Variants in ZMYM6 observed in about 807,000 individuals in gnomAD.
ZMYM6 encodes zinc finger MYM-type protein 6.
In ZMYM6, 90 loss-of-function variants were observed where a neutral mutation model predicts 134.0. The observed-to-expected ratio is 0.67, with a 90% confidence interval of 0.57 to 0.80. ZMYM6 has a LOEUF of 0.80. Ranked by LOEUF, ZMYM6 falls within the 30% of genes least tolerant of loss-of-function variation. The probability of loss-of-function intolerance (pLI) is 0.00; values close to 1 mark genes in which losing one functional copy is unlikely to be tolerated. For missense variants in ZMYM6, 1,362 were observed against 1,533.9 expected (o/e 0.89, Z 1.87); for synonymous variants, 481 against 524.1 (o/e 0.92, Z 1.12).
intron 15 of ZMYM6, 92 bp downstream of exon 15, chr1:34,992,140 ACT>A (rs769533059): frequency 3.3e-6 from 5 of 1,494,384 alleles, no homozygotes; most frequent in Non-Finnish European, 4.7e-6. Flanking sequence ...CACATTTAAG[ACT>A]CTGTCAATTA....
intron 14 of ZMYM6, among the ~76,000 whole-genome samples, chr1:34,993,456 A>C (rs1353790130): frequency 6.6e-6 from 1 of 152,172 alleles, no homozygotes; most frequent in Admixed American, 6.5e-5. Context: ...AGTAAATCAA[A>C]GTAGAAAAGA....
intron 6 of ZMYM6, among the ~76,000 whole-genome samples, chr1:35,014,296 A>G (rs1238892984): frequency 6.6e-6 from 1 of 152,224 alleles, no homozygotes; most frequent in Non-Finnish European, 1.5e-5. Flanking sequence ...ATGCTCACAG[A>G]AAATCATGAA....
At chr1:35,025,466 CAAAAAAAAAA>C (rs1161814959) in intron 2 of ZMYM6, among the ~76,000 whole-genome samples, 4 of 55,008 alleles carry the variant, frequency 7.3e-5, no homozygotes, top group East Asian at 4.7e-4. Context: ...GACTCCATCC[CAAAAAAAAAA>C]AAAAAAAAAA....
intron 14 of ZMYM6, chr1:35,003,760 A>G (rs7529201): frequency 0.12 from 62,322 of 509,878 alleles, 12,431 homozygotes; most frequent in African/African-American, 0.61. Context: ...CCACATTTAC[A>G]TCATCTTCAA....
In ZMYM6 at chr1:34,988,137, C is replaced by G; in HGVS notation, c.2945G>C (p.Gly982Ala). 1 of 1,551,418 alleles carries G rather than the reference C, an allele frequency of 6.4e-7. No homozygotes were observed. Residue 982 changes from glycine (G) to alanine (A), a missense_variant, in exon 16 of 16, where the codon GGG becomes GCG. Around this residue, in one of 3 missense-constraint regions of ZMYM6, gnomAD observed 824 missense variants for 940.9 expected, o/e 0.88. Coordinates refer to ENST00000357182, the MANE Select transcript of ZMYM6 (RefSeq NM_007167.4). Reference sequence around the variant, plus strand: ...ATACCTGCCAGTCATGCTTGCAGCCCCATCGGTACAGAGACCAACACAATG... The same window carrying G: ...ATACCTGCCAGTCATGCTTGCAGCCGCATCGGTACAGAGACCAACACAATG... ...WKHCVGLCTD[G>A]AASMTGRYSG...
At chr1:35,029,268 C>T (rs1388559055) in intron 2 of ZMYM6, among the ~76,000 whole-genome samples, 1 of 152,108 alleles carries the variant, frequency 6.6e-6, no homozygotes, top group Non-Finnish European at 1.5e-5. Flanking sequence ...CTACATAATC[C>T]AGCCTTAAAC....
chr1:35,021,461 G>C (rs1353561870), intron 2 of ZMYM6, among the ~76,000 whole-genome samples: 1 of 151,722 alleles, frequency 6.6e-6, no homozygotes, highest in East Asian at 1.9e-4. Flanking sequence ...AGCAATAAAT[G>C]AAATTAAATC....
At position 35,015,122 on chromosome 1, in the gene ZMYM6, C is replaced by A. The variant is rs1641157393; in HGVS notation, c.469G>T (p.Glu157Ter). Residue 157 changes from glutamate (E) to a stop codon, truncating the protein, a stop_gained, in exon 5 of 16, where the codon GAG becomes TAG. Coordinates refer to ENST00000357182, the MANE Select transcript of ZMYM6 (RefSeq NM_007167.4). LOFTEE classifies it high-confidence loss of function. ...NPKDVITTRF[E>*]NSYPSKDFCS... ...AAATCTTTGCTAGGATAGGAATTCT[C>A]AAAGCGAGTTGTGATCACATCCTTA... The A allele has an allele frequency of 6.2e-7, 1 of 1,612,166 alleles. No individual in the cohort carries two copies. Among genetic ancestry groups the A allele is most frequent in the African/African-American group, 1.3e-5 (1 of 74,782 alleles).
At position 34,988,587 on chromosome 1, in the gene ZMYM6, GA is replaced by G. The variant is rs768195135; in HGVS notation, c.2494del (p.Ser832LeufsTer3). ...LLVEKSLVKA[S>X]YLIAFQTAAS... is the part of the protein sequence containing the mutation. ...AGCAGTTTGGAAAGCAATTAAATAA[GA>G]AGCTTTCACAAGTGACTTTTCAACT... On this transcript the variant is annotated frameshift_variant, in exon 16 of 16. Coordinates refer to ENST00000357182, the MANE Select transcript of ZMYM6 (RefSeq NM_007167.4). LOFTEE classifies it high-confidence loss of function. 1 of 1,550,854 alleles carries G rather than the reference GA, an allele frequency of 6.4e-7. No individual in the cohort carries two copies. Among genetic ancestry groups the G allele is most frequent in the South Asian group, 1.2e-5 (1 of 83,866 alleles).
Position 34,987,415 on chromosome 1 carries a change from G to A in ZMYM6, c.3667C>T (p.Gln1223Ter). 6.2e-7 allele frequency: 1 copy of A among 1,613,944 alleles called. No individual in the cohort carries two copies. The highest frequency in any genetic ancestry group is 8.5e-7 in the Non-Finnish European group (1 of 1,179,984). ...TCGAAGTCGGTGAGATTATTATTTT[G>A]GTGATTCATAAAAGGGTGAATTATC... Reference protein sequence around the residue: ...LWIIHPFMNHQNNNLTDFEEE... With the variant: ...LWIIHPFMNH The change falls in exon 16 of 16, where the codon CAA becomes TAA. Residue 1223 changes from glutamine to a stop codon, truncating the protein, a stop_gained. Transcript: ENST00000357182. LOFTEE classifies it high-confidence loss of function.
At chr1:35,016,104 C>T (rs555227948) in intron 4 of ZMYM6, among the ~76,000 whole-genome samples, 2 of 151,906 alleles carry the variant, frequency 1.3e-5, no homozygotes, top group South Asian at 2.1e-4. Flanking sequence ...GCACGTGCCA[C>T]CATGCCAGGC....
In ZMYM6 at chr1:34,987,987, T is replaced by C. The variant is rs1006924372; in HGVS notation, c.3095A>G (p.Gln1032Arg). ...LSPCLHKILL[Q>R]SAQILSFIKS... ...TATAAAACTTAAAATTTGTGCTGACTGCAAAAGAATTTTATGTAAACATGG... is the reference window on the plus strand; with the variant it reads ...TATAAAACTTAAAATTTGTGCTGACCGCAAAAGAATTTTATGTAAACATGG... The change falls in exon 16 of 16, where the codon CAG becomes CGG. Residue 1032 changes from glutamine to arginine, a missense_variant. Gln to Arg is a conservative substitution (Grantham distance 43). Coordinates refer to ENST00000357182, the MANE Select transcript of ZMYM6 (RefSeq NM_007167.4). 132 of 1,551,196 alleles carry C rather than the reference T, an allele frequency of 8.5e-5. No homozygotes were observed. The highest frequency in any genetic ancestry group is 1.1e-4 in the African/African-American group (8 of 73,042).
chr1:34,994,033 A>G (rs1054497738), intron 14 of ZMYM6, among the ~76,000 whole-genome samples: 12 of 152,186 alleles, frequency 7.9e-5, no homozygotes, highest in Non-Finnish European at 1.5e-5. Flanking sequence ...TCTGTAAACA[A>G]AGGTCTTTAT....
At chr1:35,030,440 GTTATT>G (rs1641500380) in intron 2 of ZMYM6, 102 bp downstream of exon 2, 3 of 1,052,638 alleles carry the variant, frequency 2.8e-6, no homozygotes, top group South Asian at 3.0e-5. Flanking sequence ...CTCAGTTTGG[GTTATT>G]TTAAACTTAC....
intron 12 of ZMYM6, 63 bp downstream of exon 12, chr1:35,006,888 C>T (rs1447047211): frequency 7.2e-7 from 1 of 1,381,756 alleles, no homozygotes; most frequent in Non-Finnish European, 9.5e-7. Context: ...TTATTTATAA[C>T]TGTATATGCT....
rs201781747 is a variant in ZMYM6 at position 34,988,897 on chromosome 1, C to A, written c.2185G>T (p.Asp729Tyr). 597 of 1,612,118 alleles carry A rather than the reference C, an allele frequency of 3.7e-4. No individual in the cohort carries two copies. Among genetic ancestry groups the A allele is most frequent in the Non-Finnish European group, 4.9e-4 (581 of 1,179,640 alleles). The change falls in exon 16 of 16, where the codon GAT becomes TAT. Residue 729 changes from aspartate to tyrosine, a missense_variant. Asp to Tyr is a radical substitution (Grantham distance 160). This residue lies in a region of ZMYM6 where 824 missense variants were observed against 940.9 expected (regional missense o/e 0.88). Coordinates refer to ENST00000357182, the MANE Select transcript of ZMYM6 (RefSeq NM_007167.4). ...CTTTTTTTCTTTGAAGGTGGAGAATCAAGTTCTGCATCATTTTTTTCATTA... is the reference window on the plus strand; with the variant it reads ...CTTTTTTTCTTTGAAGGTGGAGAATAAAGTTCTGCATCATTTTTTTCATTA... ...MPNEKNDAEL[D>Y]SPPSKKKRLG...
chr1:35,019,984 C>T (rs12058538), intron 3 of ZMYM6, among the ~76,000 whole-genome samples: 36,124 of 152,040 alleles, frequency 0.24, 10,468 homozygotes, highest in African/African-American at 0.68. Flanking sequence ...CTCTCTTTTT[C>T]AGGACAAATT....
chr1:34,999,117 A>C (rs1306225149), intron 14 of ZMYM6, among the ~76,000 whole-genome samples: 1 of 152,194 alleles, frequency 6.6e-6, no homozygotes, highest in East Asian at 1.9e-4. Flanking sequence ...CAGTAAATAA[A>C]TAAAACCACA....
intron 2 of ZMYM6, among the ~76,000 whole-genome samples, chr1:35,022,938 T>C (rs1214686446): frequency 6.6e-6 from 1 of 152,042 alleles, no homozygotes; most frequent in Non-Finnish European, 1.5e-5. Flanking sequence ...AAACAAGCTA[T>C]TTAATCTTTC....
Sources: allele counts gnomAD v4.1 joint callset (sites outside exome capture counted in the v4.1 genomes callset), GRCh38; gene constraint gnomAD v4.1.1; regional missense constraint gnomAD v4.1.1; transcripts MANE v1.5; gene names NCBI Gene and HGNC (gene_info 2026-07-23, HGNC 2026-07-21).